Variants in RIC1 observed in about 807,000 individuals in gnomAD.
The protein encoded by RIC1 is RIC1 partner of RAB6A GEF complex.
RIC1 carries 88 observed loss-of-function variants against 169.0 expected under a neutral mutation model. The ratio of observed to expected loss-of-function variants is 0.52; its 90% confidence interval spans 0.44 to 0.62. The LOEUF (loss-of-function observed/expected upper bound fraction) is 0.62, where lower values mean the gene tolerates loss of function less well. Ranked by LOEUF, RIC1 falls within the 20% of genes least tolerant of loss-of-function variation. The pLI is 0.00. For synonymous variants in RIC1, 790 were observed against 601.5 expected, an observed-to-expected ratio of 1.31 and a Z score of -4.59; for missense variants, 1,877 against 1,725.5, an observed-to-expected ratio of 1.09 and a Z score of -1.56.
At chr9:5,662,625 T>C (rs1819522616) in intron 2 of RIC1, among the ~76,000 whole-genome samples, 2 of 152,208 alleles carry the variant, frequency 1.3e-5, no homozygotes, top group South Asian at 2.1e-4. Context: ...TTAATGTGCA[T>C]TGATGCATTT....
intron 2 of RIC1, among the ~76,000 whole-genome samples, chr9:5,657,927 G>A (rs548511952): frequency 1.3e-5 from 2 of 152,190 alleles, no homozygotes; most frequent in South Asian, 2.1e-4. Flanking sequence ...ACTGGGGCAC[G>A]AAAATCCTCA....
intron 6 of RIC1, among the ~76,000 whole-genome samples, chr9:5,727,370 G>A (rs940003061): frequency 1.3e-5 from 2 of 152,182 alleles, no homozygotes; most frequent in Non-Finnish European, 1.5e-5. Flanking sequence ...GTTCTCGTGC[G>A]ATGGTTTTCA....
At position 5,743,716 on chromosome 9, in the gene RIC1, T is replaced by A; in HGVS notation, c.1074T>A (p.Asp358Glu). Reference protein sequence around the residue: ...FAYRSDGTKKDPLKINSMSWG... With the variant: ...FAYRSDGTKKEPLKINSMSWG... ...ATAGGTCTGATGGCACCAAAAAAGATCCCCTTAAGATCAACTCTATGGTAA... is the reference window on the plus strand; with the variant it reads ...ATAGGTCTGATGGCACCAAAAAAGAACCCCTTAAGATCAACTCTATGGTAA... Residue 358 changes from aspartate (D) to glutamate (E), a missense_variant, in exon 10 of 26, where the codon GAT becomes GAA. Physicochemically the swap from Asp to Glu is conservative, Grantham distance 45. Coordinates refer to ENST00000414202, the MANE Select transcript of RIC1 (RefSeq NM_020829.4). The A allele has an allele frequency of 1.2e-6, 2 of 1,610,830 alleles. No individual in the cohort carries two copies. The highest frequency in any genetic ancestry group is 1.7e-6 in the Non-Finnish European group (2 of 1,177,570).
chr9:5,680,165 C>G lies in RIC1; in HGVS notation c.253-9794C>G, dbSNP rs1006392957. On this transcript the variant is annotated intron_variant, in intron 2 of 25. Transcript: ENST00000414202. ...CATTTATTGATTTTCGTATGTTGAA[C>G]CAGCCTTGCATCCCAGGGATGAAGC... 1.3e-4 allele frequency among the ~76,000 whole-genome samples: 20 copies of G among 152,276 alleles called. No individual in the cohort carries two copies. The East Asian group carries it at 2.3e-3, about 18-fold the overall frequency.
chr9:5,648,835 C>T (rs138235451), intron 1 of RIC1, among the ~76,000 whole-genome samples: 1 of 152,212 alleles, frequency 6.6e-6, no homozygotes. Flanking sequence ...GTCTTTTGCC[C>T]ACTTTTTAAT....
intron 6 of RIC1, among the ~76,000 whole-genome samples, chr9:5,731,040 C>T (rs578145817): frequency 1.3e-5 from 2 of 152,106 alleles, no homozygotes; most frequent in Non-Finnish European, 2.9e-5. Context: ...TATAGGGAAA[C>T]CTGTTTAATA....
intron 15 of RIC1, among the ~76,000 whole-genome samples, chr9:5,755,211 C>A (rs534636250): frequency 6.6e-6 from 1 of 152,258 alleles, no homozygotes; most frequent in Non-Finnish European, 1.5e-5. Context: ...CAAAAAATTT[C>A]ATGATATAAG....
chr9:5,723,534 T>C (rs1177990865), intron 6 of RIC1, among the ~76,000 whole-genome samples: 1 of 152,232 alleles, frequency 6.6e-6, no homozygotes, highest in African/African-American at 2.4e-5. Context: ...TGGTAGTTTC[T>C]TTTGCTGTGC....
At chr9:5,659,172 C>T (rs542179406) in intron 2 of RIC1, among the ~76,000 whole-genome samples, 5 of 152,110 alleles carry the variant, frequency 3.3e-5, no homozygotes, top group East Asian at 1.9e-4. Context: ...TCCCATTGAA[C>T]GGTCTTGGTA....
intron 17 of RIC1, among the ~76,000 whole-genome samples, chr9:5,761,778 A>T (rs1470225133): frequency 6.6e-6 from 1 of 152,230 alleles, no homozygotes. Flanking sequence ...AGGGCTGCTC[A>T]AAGTTTAATG....
chr9:5,773,132 C>A, intron 25 of RIC1, 52 bp downstream of exon 25: 1 of 1,200,158 alleles, frequency 8.3e-7, no homozygotes, highest in South Asian at 2.2e-5. Context: ...TTTGGTGAAT[C>A]CTGTCCTTTC....
At chr9:5,708,996 T>C (rs1339667247) in intron 3 of RIC1, among the ~76,000 whole-genome samples, 1 of 152,200 alleles carries the variant, frequency 6.6e-6, no homozygotes, top group South Asian at 2.1e-4. Flanking sequence ...ACTGTTAATT[T>C]GTTGAGTTTT....
chr9:5,643,631 C>G (rs1818359766), intron 1 of RIC1, among the ~76,000 whole-genome samples: 2 of 152,088 alleles, frequency 1.3e-5, no homozygotes, highest in Admixed American at 1.3e-4. Flanking sequence ...TTTAGATACT[C>G]TCCTTACGTA....
chr9:5,631,297 TTAAGTTCTGTTG>T (rs1202775216), intron 1 of RIC1, among the ~76,000 whole-genome samples: 1 of 152,132 alleles, frequency 6.6e-6, no homozygotes, highest in African/African-American at 2.4e-5. Flanking sequence ...ACCCCTACTA[TTAAGTTCTGTTG>T]TGCAAAAGTT....
intron 1 of RIC1, among the ~76,000 whole-genome samples, chr9:5,633,907 C>T (rs1363968804): frequency 1.3e-5 from 2 of 152,178 alleles, no homozygotes; most frequent in African/African-American, 2.4e-5. Context: ...TTTCACCCAC[C>T]TCCCAGCCCC....
intron 12 of RIC1, among the ~76,000 whole-genome samples, chr9:5,750,172 G>C (rs1388744986): frequency 2.0e-5 from 3 of 151,774 alleles, no homozygotes; most frequent in African/African-American, 7.3e-5. Context: ...GTTGACATAT[G>C]GGGCACAAAC....
At chr9:5,675,127 T>C (rs1820363321) in intron 2 of RIC1, among the ~76,000 whole-genome samples, 1 of 152,254 alleles carries the variant, frequency 6.6e-6, no homozygotes, top group Admixed American at 6.5e-5. Flanking sequence ...CCCCTGCTGC[T>C]GTGTCGTTCC....
At chr9:5,772,096 A>G (rs758941278) in intron 23 of RIC1, among the ~76,000 whole-genome samples, 2 of 152,286 alleles carry the variant, frequency 1.3e-5, no homozygotes, top group Admixed American at 6.5e-5. Flanking sequence ...AGGTTCACAT[A>G]TTGTGATTGT....
At chr9:5,676,083 C>T (rs1411883781) in intron 2 of RIC1, among the ~76,000 whole-genome samples, 1 of 152,152 alleles carries the variant, frequency 6.6e-6, no homozygotes, top group Non-Finnish European at 1.5e-5. Context: ...AACTAAACCA[C>T]CTTTGTAAAG....
Sources: allele counts gnomAD v4.1 joint callset (sites outside exome capture counted in the v4.1 genomes callset), GRCh38; gene constraint gnomAD v4.1.1; transcripts MANE v1.5; gene names NCBI Gene and HGNC (gene_info 2026-07-23, HGNC 2026-07-21).